Variants in MMRN2 observed in about 807,000 individuals in gnomAD.
MMRN2 encodes the protein multimerin-2.
Under a neutral mutation model 68.8 loss-of-function variants are expected in MMRN2, and 53 were observed. The ratio of observed to expected loss-of-function variants is 0.77; its 90% CI spans 0.62 to 0.97. The LOEUF is 0.97. MMRN2 is among the 50% of genes least tolerant of loss of function. The probability of loss-of-function intolerance (pLI) is 0.00; values close to 1 mark genes in which losing one functional copy is unlikely to be tolerated. For synonymous variants in MMRN2, 564 were observed against 551.6 expected (o/e 1.02, Z -0.32); for missense variants, 1,266 against 1,259.5 (o/e 1.01, Z -0.08).
chr10:86,943,728 AC>A lies in MMRN2; in HGVS notation c.1055del (p.Ser352IlefsTer34). On this transcript the variant is annotated frameshift_variant, in exon 6 of 7. Coordinates refer to ENST00000372027, the MANE Select transcript of MMRN2 (RefSeq NM_024756.3). LOFTEE classifies it high-confidence loss of function. This position sits in a 1 kb window ranked among gnomAD's most constrained non-coding sequence, Gnocchi z 4.2. ...KAQEAPGTNG[S>X]LVLATPGAGA... ...CAGCCCCAGGCGTTGCCAACACCAG[AC>A]TGCCATTGGTCCCTGGGGCCTCCTG... The A allele has an allele frequency of 6.2e-7, 1 of 1,608,786 alleles. No individual in the cohort carries two copies. Among genetic ancestry groups the A allele is most frequent in the South Asian group, 1.1e-5 (1 of 91,088 alleles).
intron 1 of MMRN2, among the ~76,000 whole-genome samples, chr10:86,952,143 G>T (rs962150304): frequency 2.0e-5 from 3 of 152,186 alleles, no homozygotes; most frequent in Non-Finnish European, 2.9e-5. Flanking sequence ...ATGATGGGGC[G>T]TTGGCTCAGG....
intron 1 of MMRN2, among the ~76,000 whole-genome samples, chr10:86,946,232 C>T (rs144140992): frequency 2.6e-4 from 40 of 152,320 alleles, no homozygotes; most frequent in Middle Eastern, 3.4e-3. Flanking sequence ...CAATGGCGAT[C>T]GTAATGCCCT....
intron 1 of MMRN2, among the ~76,000 whole-genome samples, chr10:86,955,355 G>A (rs1210471717): frequency 6.6e-6 from 1 of 152,202 alleles, no homozygotes; most frequent in African/African-American, 2.4e-5. Flanking sequence ...CCTGGGCTGG[G>A]CCCCTCGGGG....
intron 1 of MMRN2, among the ~76,000 whole-genome samples, chr10:86,953,518 A>G (rs1443543832): frequency 8.5e-5 from 13 of 152,144 alleles, no homozygotes; most frequent in Admixed American, 8.5e-4. Flanking sequence ...AGCCCTAGGG[A>G]AAAATCTCTC....
At chr10:86,954,384 T>G (rs1213867370) in intron 1 of MMRN2, 1 of 152,720 alleles carries the variant, frequency 6.5e-6, no homozygotes, top group Non-Finnish European at 1.5e-5. Flanking sequence ...GAACCCACAG[T>G]GACCTTGGGC....
In MMRN2 at chr10:86,942,366, C is replaced by G. The variant is rs1255696503; in HGVS notation, c.2418G>C (p.Arg806=). The G allele has an allele frequency of 6.2e-7, 1 of 1,614,100 alleles. No homozygotes were observed. Residue 806 remains arginine, a synonymous_variant, in exon 6 of 7, where the codon CGG becomes CGC. Transcript: ENST00000372027. ...KKEAEPLVDI[R]VTGPVPGALG... is the part of the protein sequence containing the mutation. ...AGGCACCTGGCACAGGCCCTGTGACCCGTATGTCCACCAAAGGCTCCGCTT... is the reference window on the plus strand; with the variant it reads ...AGGCACCTGGCACAGGCCCTGTGACGCGTATGTCCACCAAAGGCTCCGCTT...
At chr10:86,955,263 C>G (rs1047290958) in intron 1 of MMRN2, among the ~76,000 whole-genome samples, 3 of 152,184 alleles carry the variant, frequency 2.0e-5, no homozygotes, top group Non-Finnish European at 2.9e-5. Context: ...GGGTCTGAGG[C>G]ACCCACATTC....
chr10:86,945,841 C>A, intron 1 of MMRN2, 152 bp from the exon 2 acceptor site: 1 of 1,460,540 alleles, frequency 6.8e-7, no homozygotes, highest in African/African-American at 1.4e-5. Context: ...CATTATTCAT[C>A]CCTGGGCTCC....
chr10:86,946,121 G>A (rs920810135), intron 1 of MMRN2, among the ~76,000 whole-genome samples: 1 of 152,234 alleles, frequency 6.6e-6, no homozygotes, highest in Admixed American at 6.5e-5. Context: ...TGCTACCAAC[G>A]TGCAGCTGGG....
intron 6 of MMRN2, among the ~76,000 whole-genome samples, chr10:86,941,102 T>A (rs1843958330): frequency 6.6e-6 from 1 of 152,142 alleles, no homozygotes; most frequent in Admixed American, 6.5e-5. Context: ...TGCTGATGAG[T>A]GTGTCATTGA....
intron 1 of MMRN2, chr10:86,948,905 A>C (rs999286680): frequency 1.3e-5 from 2 of 152,196 alleles, no homozygotes; most frequent in African/African-American, 4.8e-5. Context: ...TCAGTGAGCT[A>C]TGATTGCGCC....
chr10:86,945,450 T>C lies in MMRN2; in HGVS notation c.320A>G (p.Tyr107Cys). 1 of 1,561,914 alleles carries C rather than the reference T, an allele frequency of 6.4e-7. No homozygotes were observed. Among genetic ancestry groups the C allele is most frequent in the Non-Finnish European group, 8.7e-7 (1 of 1,152,224 alleles). ...VMYRMAHKPV[Y>C]QVKQKVLTSL... is the part of the protein sequence containing the mutation. Reference sequence around the variant, plus strand: ...GGTCAGCACCTTCTGCTTGACCTGGTACACTGGCTTGTGGGCCATGCGGTA... The same window carrying C: ...GGTCAGCACCTTCTGCTTGACCTGGCACACTGGCTTGTGGGCCATGCGGTA... Residue 107 changes from tyrosine (Y) to cysteine (C), a missense_variant, in exon 3 of 7, where the codon TAC becomes TGC. Transcript: ENST00000372027.
chr10:86,941,182 T>C (rs1843959255), intron 6 of MMRN2, among the ~76,000 whole-genome samples: 1 of 152,218 alleles, frequency 6.6e-6, no homozygotes, highest in Non-Finnish European at 1.5e-5. Context: ...ACAGGTTAAC[T>C]GTATTTGCAG....
chr10:86,945,185 C>T lies in MMRN2; in HGVS notation c.481+3G>A. The T allele has an allele frequency of 6.2e-7, 1 of 1,613,588 alleles. No homozygotes were observed. On this transcript the variant is annotated splice_donor_region_variant and intron_variant, in intron 4 of 6. Coordinates refer to ENST00000372027, the MANE Select transcript of MMRN2 (RefSeq NM_024756.3). ...TGCCTTCCCCTTCCGGAAAGCAACA[C>T]ACCAGGTTTGAAGCTGACTGGTCCA...
At chr10:86,949,286 G>A (rs951595912) in intron 1 of MMRN2, 4 of 152,172 alleles carry the variant, frequency 2.6e-5, no homozygotes, top group African/African-American at 9.7e-5. Context: ...GAACCAGTGT[G>A]GGGAGTGAGA....
intron 1 of MMRN2, 130 bp downstream of exon 1, chr10:86,957,247 TG>T: frequency 1.1e-6 from 1 of 933,460 alleles, no homozygotes; most frequent in Non-Finnish European, 1.7e-6. Context: ...GCCTCACAGA[TG>T]GCCCAGAGAT....
chr10:86,944,235 C>T, intron 5 of MMRN2, 27 bp downstream of exon 5: 1 of 1,596,228 alleles, frequency 6.3e-7, no homozygotes, highest in South Asian at 1.1e-5. Context: ...CCAGGCTCTT[C>T]CTCAGCCCCT....
intron 1 of MMRN2, among the ~76,000 whole-genome samples, chr10:86,952,100 T>C (rs1311224348): frequency 1.3e-5 from 2 of 152,122 alleles, no homozygotes; most frequent in African/African-American, 4.8e-5. Context: ...CTCTCACAAC[T>C]ATCAAGACCG....
At chr10:86,947,122 G>T (rs1490208560) in intron 1 of MMRN2, among the ~76,000 whole-genome samples, 1 of 152,172 alleles carries the variant, frequency 6.6e-6, no homozygotes, top group African/African-American at 2.4e-5. Context: ...GAGATGATGG[G>T]AGGGCAAGAC....
Sources: allele counts gnomAD v4.1 joint callset (sites outside exome capture counted in the v4.1 genomes callset), GRCh38; gene constraint gnomAD v4.1.1; non-coding constraint Gnocchi (gnomAD v3.1); transcripts MANE v1.5; gene names NCBI Gene and HGNC (gene_info 2026-07-23, HGNC 2026-07-21).